Variants in ARPC5L observed in about 807,000 individuals in gnomAD.
ARPC5L encodes actin related protein 2/3 complex subunit 5 like.
ARPC5L carries 4 observed loss-of-function variants against 16.9 expected under a neutral mutation model. The ratio of observed to expected loss-of-function variants is 0.24; its 90% CI spans 0.12 to 0.54. The LOEUF (loss-of-function observed/expected upper bound fraction) is 0.54. Among genes scored for constraint, ARPC5L ranks in the 20% least tolerant of loss-of-function variants. ARPC5L has a pLI of 0.95. For synonymous variants in ARPC5L, 78 were observed against 82.6 expected, an observed-to-expected ratio of 0.94 and a Z score of 0.30; for missense variants, 151 against 201.9, an observed-to-expected ratio of 0.75 and a Z score of 1.53.
At position 124,876,938 on chromosome 9, in the gene ARPC5L, T is replaced by A. The variant is rs1564314450; in HGVS notation, c.460T>A (p.Ter154LysextTer3). 6.2e-7 allele frequency: 1 copy of A among 1,608,324 alleles called. No individual in the cohort carries two copies. The highest frequency in any genetic ancestry group is 1.3e-5 in the African/African-American group (1 of 74,562). ...IRVLTARKTV[*>K] Reference sequence around the variant, plus strand: ...AGTTCTTACAGCAAGAAAGACTGTTTAAAAAAAATAAAAAGACTCATGTTA... The same window carrying A: ...AGTTCTTACAGCAAGAAAGACTGTTAAAAAAAAATAAAAAGACTCATGTTA... The change falls in exon 6 of 6, where the codon TAA becomes AAA. Residue 154 changes from the stop codon to lysine (K), a stop_lost. Coordinates refer to ENST00000353214, the MANE Select transcript of ARPC5L (RefSeq NM_030978.3).
Position 124,877,122 on chromosome 9 carries a change from T to A in ARPC5L, c.*182T>A, listed in dbSNP as rs112734874. ...AAAATCGTCTGTTTCCTAAATCCTG[T>A]TTAGGATCTGATAGTCTATGCCTTT... On this transcript the variant is annotated 3_prime_UTR_variant, in exon 6 of 6. Coordinates refer to ENST00000353214, the MANE Select transcript of ARPC5L (RefSeq NM_030978.3). 5.9e-3 allele frequency: 3,563 copies of A among 604,152 alleles called. 92 individuals carry two copies. Among genetic ancestry groups the A allele is most frequent in the African/African-American group, 0.053 (2,838 of 53,534 alleles). 37.4% of individuals were successfully genotyped at this position (604,152 alleles called of 1,614,324 possible).
chr9:124,863,166 A>AT (rs1829227386), intron 1 of ARPC5L, among the ~76,000 whole-genome samples: 1 of 151,540 alleles, frequency 6.6e-6, no homozygotes, highest in South Asian at 2.1e-4. Context: ...TTTTTTATAT[A>AT]TTTTTTGAGA....
In ARPC5L at chr9:124,877,168, T is replaced by C; in HGVS notation, c.*228T>C. ...CCTTTGTCTCCGAGTACTGCAGAAC[T>C]GACATTTTGACGGTCTACCAGCGTG... is the stretch of plus-strand genomic sequence containing the variant. On this transcript the variant is annotated 3_prime_UTR_variant, in exon 6 of 6. Transcript: ENST00000353214. 2.0e-6 allele frequency: 1 copy of C among 502,210 alleles called. No homozygotes were observed. The highest frequency in any genetic ancestry group is 3.5e-6 in the Non-Finnish European group (1 of 284,940). 31.1% of individuals were successfully genotyped at this position (502,210 alleles called of 1,614,324 possible).
At chr9:124,867,497 T>C (rs1016740129) in intron 2 of ARPC5L, among the ~76,000 whole-genome samples, 2 of 151,982 alleles carry the variant, frequency 1.3e-5, no homozygotes, top group African/African-American at 4.8e-5. Flanking sequence ...ATGGTTTTTT[T>C]CCCTCTCAAC....
intron 3 of ARPC5L, among the ~76,000 whole-genome samples, chr9:124,869,904 C>G (rs1357089592): frequency 1.3e-5 from 2 of 152,218 alleles, no homozygotes; most frequent in African/African-American, 4.8e-5. Flanking sequence ...CCTCCGGGGC[C>G]CGATTGCTGC....
intron 2 of ARPC5L, among the ~76,000 whole-genome samples, chr9:124,866,412 T>A (rs1443548216): frequency 6.6e-6 from 1 of 150,558 alleles, no homozygotes; most frequent in Non-Finnish European, 1.5e-5. Flanking sequence ...TCAAAAAAAA[T>A]GAATAAAATA....
chr9:124,873,774 T>C lies in ARPC5L; in HGVS notation c.222+10T>C, dbSNP rs768621996. The C allele has an allele frequency of 2.5e-6, 4 of 1,613,782 alleles. No homozygotes were observed. The South Asian group carries it at 4.4e-5, about 18-fold the overall frequency. On this transcript the variant is annotated intron_variant, in intron 4 of 5. Transcript: ENST00000353214. The stretch of plus-strand genomic sequence containing the variant: ...GAATCAAGCTGTGAAGGTAAAGGGG[T>C]GGCGCTGCGGCTCTGCTGGGTGCTG...
At chr9:124,873,943 T>C (rs1266921266) in intron 4 of ARPC5L, among the ~76,000 whole-genome samples, 179 bp downstream of exon 4, 1 of 152,166 alleles carries the variant, frequency 6.6e-6, no homozygotes, top group African/African-American at 2.4e-5. Context: ...ATCAACGCTG[T>C]CAGCGTTTAT....
At chr9:124,865,650 G>A (rs1364489254) in intron 2 of ARPC5L, among the ~76,000 whole-genome samples, 13 of 151,276 alleles carry the variant, frequency 8.6e-5, no homozygotes, top group Admixed American at 1.3e-4. Flanking sequence ...AAAATTAGCC[G>A]GGCATGGTGG....
In ARPC5L at chr9:124,876,869, C is replaced by G; in HGVS notation, c.400-9C>G. 6.2e-7 allele frequency: 1 copy of G among 1,608,616 alleles called. No individual in the cohort carries two copies. The highest frequency in any genetic ancestry group is 8.5e-7 in the Non-Finnish European group (1 of 1,177,836). ...TCATCTGACACGTTTTCTTTTCCTG[C>G]CCCCACAGGCCTTAGCAGTAGGAGG... On this transcript the variant is annotated splice_polypyrimidine_tract_variant and intron_variant, in intron 5 of 5. Transcript: ENST00000353214.
At chr9:124,864,597 A>G (rs550920711) in intron 2 of ARPC5L, among the ~76,000 whole-genome samples, 16 of 151,982 alleles carry the variant, frequency 1.1e-4, no homozygotes, top group African/African-American at 3.6e-4. Flanking sequence ...CCAGGCTGGT[A>G]TTGAACTCTT....
chr9:124,877,008 G>C lies in ARPC5L; in HGVS notation c.*68G>C, dbSNP rs1162835994. ...TGCCCAGGCTGGTGAAGAAGGGATT[G>C]ACAATGGACCATCTTCCTAGGAACT... On this transcript the variant is annotated 3_prime_UTR_variant, in exon 6 of 6. Transcript: ENST00000353214. 1 of 1,258,672 alleles carries C rather than the reference G, an allele frequency of 7.9e-7. No homozygotes were observed. The allele number at this position is 1,258,672 out of a possible 1,614,324, so 78.0% of individuals were successfully genotyped here.
Position 124,869,271 on chromosome 9 carries a change from G to A in ARPC5L, c.-20G>A. 6.6e-7 allele frequency: 1 copy of A among 1,510,832 alleles called. No homozygotes were observed. 93.6% of individuals were successfully genotyped at this position (1,510,832 alleles called of 1,614,324 possible). A position where few individuals can be genotyped will look rare whatever the true frequency, so the allele number is the denominator to read the frequency against. On this transcript the variant is annotated 5_prime_UTR_variant, in exon 3 of 6. Transcript: ENST00000353214. The stretch of plus-strand genomic sequence containing the variant: ...TCGGGCCGCGAGCGGAGCCGGCTGA[G>A]CGGGCGCCGAGCTCCCGCCATGGCC...
chr9:124,867,601 A>G (rs1829289133), intron 2 of ARPC5L, among the ~76,000 whole-genome samples: 1 of 152,004 alleles, frequency 6.6e-6, no homozygotes, highest in Non-Finnish European at 1.5e-5. Context: ...ACATTATTCC[A>G]TTTACTAGTT....
chr9:124,865,358 T>G (rs561922873), intron 2 of ARPC5L, among the ~76,000 whole-genome samples: 105 of 148,772 alleles, frequency 7.1e-4, no homozygotes, highest in Non-Finnish European at 1.3e-3. Context: ...TGGTGCACAG[T>G]GCCTTTGCTG....
intron 3 of ARPC5L, among the ~76,000 whole-genome samples, chr9:124,870,416 G>T (rs1445888186): frequency 6.6e-6 from 1 of 152,052 alleles, no homozygotes; most frequent in Non-Finnish European, 1.5e-5. Flanking sequence ...CCCCCCGCAC[G>T]GGTGGGGGCA....
chr9:124,876,059 C>A (rs890270970), intron 5 of ARPC5L, among the ~76,000 whole-genome samples: 1 of 152,174 alleles, frequency 6.6e-6, no homozygotes, highest in Non-Finnish European at 1.5e-5. Context: ...TGCCAGTCAC[C>A]TCAGCGGGCG....
intron 2 of ARPC5L, among the ~76,000 whole-genome samples, chr9:124,864,865 T>TG (rs1829248923): frequency 6.7e-6 from 1 of 150,222 alleles, no homozygotes; most frequent in South Asian, 2.1e-4. Context: ...TGGAGTGCAA[T>TG]GGCACAATCT....
At chr9:124,869,859 G>T (rs1829330809) in intron 3 of ARPC5L, among the ~76,000 whole-genome samples, 1 of 152,246 alleles carries the variant, frequency 6.6e-6, no homozygotes, top group Non-Finnish European at 1.5e-5. Context: ...AGCCGCATCT[G>T]AGTAACCGAG....
Sources: allele counts gnomAD v4.1 joint callset (sites outside exome capture counted in the v4.1 genomes callset), GRCh38; gene constraint gnomAD v4.1.1; transcripts MANE v1.5; gene names NCBI Gene and HGNC (gene_info 2026-07-23, HGNC 2026-07-21).